Variants in FAM135A observed in about 807,000 individuals in gnomAD.
FAM135A encodes the protein family with sequence similarity 135 member A, also known as protein FAM135A.
FAM135A carries 79 observed loss-of-function variants against 146.8 expected under a neutral mutation model. That is an observed-to-expected ratio of 0.54 (90% CI 0.45 to 0.65). The LOEUF (loss-of-function observed/expected upper bound fraction) is 0.65, where lower values mean the gene tolerates loss of function less well. Among genes scored for constraint, FAM135A ranks in the 30% least tolerant of loss-of-function variants. The pLI, the probability that FAM135A is intolerant of heterozygous loss-of-function variation, is 0.00. For synonymous variants in FAM135A, 562 were observed against 603.6 expected, an observed-to-expected ratio of 0.93 and a Z score of 1.01; for missense variants, 1,623 against 1,758.2, an observed-to-expected ratio of 0.92 and a Z score of 1.38.
Position 70,415,303 on chromosome 6 carries a change from A to G in FAM135A, c.-207A>G, listed in dbSNP as rs550562385. On this transcript the variant is annotated 5_prime_UTR_variant, in exon 2 of 22. Transcript: ENST00000418814. Reference sequence around the variant, plus strand: ...GTCTTTATTGTAGGGTTGAAGATCAACTGGATTATGTATTTGGTTCTGGAA... The same window carrying G: ...GTCTTTATTGTAGGGTTGAAGATCAGCTGGATTATGTATTTGGTTCTGGAA... 7 of 152,224 alleles carry G rather than the reference A, an allele frequency of 4.6e-5. No individual in the cohort carries two copies. The highest frequency in any genetic ancestry group is 8.8e-5 in the Non-Finnish European group (6 of 68,030). 9.4% of individuals were successfully genotyped at this position (152,224 alleles called of 1,614,324 possible).
At chr6:70,432,130 A>G (rs527957321) in intron 4 of FAM135A, among the ~76,000 whole-genome samples, 1 of 152,274 alleles carries the variant, frequency 6.6e-6, no homozygotes, top group African/African-American at 2.4e-5. Flanking sequence ...AATAGAGGAT[A>G]GAAATGTAAT....
Position 70,525,732 on chromosome 6 carries a change from A to T in FAM135A, c.2648A>T (p.Asp883Val). The T allele has an allele frequency of 6.2e-7, 1 of 1,613,272 alleles. No homozygotes were observed. Among genetic ancestry groups the T allele is most frequent in the Non-Finnish European group, 8.5e-7 (1 of 1,179,598 alleles). The change falls in exon 15 of 22, where the codon GAT becomes GTT. Residue 883 changes from aspartate to valine, a missense_variant. Transcript: ENST00000418814. ...GGAACGACTGATTTGCCAAAATGTG[A>T]TGATACTAAAAAGTCAAGTATCACT... is the stretch of plus-strand genomic sequence containing the variant. Reference protein sequence around the residue: ...NLGTTDLPKCDDTKKSSITLQ... With the variant: ...NLGTTDLPKCVDTKKSSITLQ...
At chr6:70,440,027 A>G (rs1452304869) in intron 4 of FAM135A, among the ~76,000 whole-genome samples, 1 of 152,238 alleles carries the variant, frequency 6.6e-6, no homozygotes, top group African/African-American at 2.4e-5. Context: ...TAGTGTACAC[A>G]GTCCCTCAGT....
At chr6:70,546,673 A>G (rs549983493) in intron 20 of FAM135A, among the ~76,000 whole-genome samples, 2 of 152,322 alleles carry the variant, frequency 1.3e-5, no homozygotes, top group East Asian at 1.9e-4. Flanking sequence ...TGTGAACACA[A>G]TAGATCTGGT....
intron 4 of FAM135A, among the ~76,000 whole-genome samples, chr6:70,450,654 T>C (rs950040101): frequency 4.0e-5 from 6 of 150,826 alleles, no homozygotes; most frequent in African/African-American, 1.5e-4. Flanking sequence ...TACCATGCTG[T>C]TTTGATTACA....
At chr6:70,423,955 A>C (rs1294708254) in intron 2 of FAM135A, among the ~76,000 whole-genome samples, 1 of 152,208 alleles carries the variant, frequency 6.6e-6, no homozygotes, top group Non-Finnish European at 1.5e-5. Flanking sequence ...TACCCAACAT[A>C]TTATAGTGGA....
intron 2 of FAM135A, among the ~76,000 whole-genome samples, chr6:70,425,378 C>T (rs1322767978): frequency 5.3e-5 from 8 of 152,160 alleles, no homozygotes; most frequent in South Asian, 2.1e-4. Context: ...AAGCTATCTT[C>T]GACATCATTT....
At chr6:70,485,470 A>C (rs866919893) in intron 10 of FAM135A, among the ~76,000 whole-genome samples, 3 of 152,286 alleles carry the variant, frequency 2.0e-5, no homozygotes, top group Middle Eastern at 3.4e-3. Context: ...TTATTCTAGC[A>C]AAATAAAATT....
chr6:70,538,340 G>A lies in FAM135A; in HGVS notation c.4167G>A (p.Leu1389=). Residue 1389 remains leucine (L), a synonymous_variant, in exon 20 of 22, where the codon CTG becomes CTA. Transcript: ENST00000418814. ...AAAAATCAGGTTCGCTTTTGCAGCT[G>A]ACATGTCGAGATCACTCAGACCCTC... is the stretch of plus-strand genomic sequence containing the variant. ...KWKKSGSLLQ[L]TCRDHSDPRQ... is the part of the protein sequence containing the mutation. The A allele has an allele frequency of 6.5e-7, 1 of 1,530,448 alleles. No homozygotes were observed. The allele number at this position is 1,530,448 out of a possible 1,614,324, so 94.8% of individuals were successfully genotyped here.
chr6:70,558,118 A>G (rs1393604313), intron 21 of FAM135A, among the ~76,000 whole-genome samples: 2 of 152,360 alleles, frequency 1.3e-5, no homozygotes, highest in Non-Finnish European at 2.9e-5. Flanking sequence ...CTGTATTAAC[A>G]TATTTTTAAA....
At chr6:70,530,827 A>T (rs1210530655) in intron 16 of FAM135A, among the ~76,000 whole-genome samples, 2 of 152,240 alleles carry the variant, frequency 1.3e-5, no homozygotes, top group African/African-American at 4.8e-5. Context: ...TTCATTTCTC[A>T]GTGCAAACTC....
At chr6:70,497,255 C>T (rs116447600) in intron 11 of FAM135A, among the ~76,000 whole-genome samples, 3,114 of 152,052 alleles carry the variant, frequency 0.02, 107 homozygotes, top group African/African-American at 0.071. Flanking sequence ...TTATTTTCTT[C>T]GTAGCAATTG....
chr6:70,475,708 C>G lies in FAM135A; in HGVS notation c.343C>G (p.Leu115Val), dbSNP rs947090201. ...AATGAATTTTCTATTATCCTTGGAT[C>G]TACACTTCACAGATGGAGATTATTC... ...EEMNFLLSLD[L>V]HFTDGDYSAD... Residue 115 changes from leucine to valine, a missense_variant, in exon 7 of 22, where the codon CTA (leucine) becomes GTA (valine). By Grantham distance (32) the Leu-to-Val change is conservative. Coordinates refer to ENST00000418814, the MANE Select transcript of FAM135A (RefSeq NM_001162529.3). 6.2e-7 allele frequency: 1 copy of G among 1,610,440 alleles called. No homozygotes were observed. Among genetic ancestry groups the G allele is most frequent in the Non-Finnish European group, 8.5e-7 (1 of 1,178,136 alleles).
intron 2 of FAM135A, among the ~76,000 whole-genome samples, chr6:70,422,692 C>T (rs1207124554): frequency 6.6e-6 from 1 of 152,166 alleles, no homozygotes; most frequent in African/African-American, 2.4e-5. Flanking sequence ...TTCAGTATAT[C>T]AGTGTAATAA....
At chr6:70,559,618 T>C (rs1801581383) in intron 21 of FAM135A, 98 bp from the exon 22 acceptor site, 2 of 980,982 alleles carry the variant, frequency 2.0e-6, no homozygotes, top group East Asian at 2.7e-5. Flanking sequence ...ATGGAAATAA[T>C]GTAACTAAAT....
intron 2 of FAM135A, chr6:70,418,320 T>C (rs529749576): frequency 1.1e-4 from 16 of 151,390 alleles, no homozygotes; most frequent in African/African-American, 3.4e-4. Context: ...TTTATTTAAT[T>C]TATTTGTTTA....
chr6:70,473,791 G>A (rs1782074262), intron 5 of FAM135A, among the ~76,000 whole-genome samples: 1 of 152,018 alleles, frequency 6.6e-6, no homozygotes, highest in Non-Finnish European at 1.5e-5. Flanking sequence ...AGTGTGTCAA[G>A]CTGCTGCTGC....
intron 5 of FAM135A, among the ~76,000 whole-genome samples, chr6:70,467,065 G>A (rs976886644): frequency 1.1e-4 from 17 of 151,892 alleles, no homozygotes; most frequent in African/African-American, 3.6e-4. Flanking sequence ...TCTCAGTTTC[G>A]TAGAGCCTAT....
At chr6:70,528,537 A>T in intron 16 of FAM135A, 85 bp downstream of exon 16, 1 of 1,249,904 alleles carries the variant, frequency 8.0e-7, no homozygotes, top group Non-Finnish European at 1.0e-6. Flanking sequence ...TTAGTCTTTG[A>T]ACTAAAAAAA....
Sources: allele counts gnomAD v4.1 joint callset (sites outside exome capture counted in the v4.1 genomes callset), GRCh38; gene constraint gnomAD v4.1.1; transcripts MANE v1.5; gene names NCBI Gene and HGNC (gene_info 2026-07-23, HGNC 2026-07-21).